FOXO1: variants seen among roughly 807,000 people sequenced by gnomAD.
FOXO1 encodes the protein forkhead box O1.
In FOXO1, 6 loss-of-function variants were observed where a neutral mutation model predicts 44.1. That is an observed-to-expected ratio of 0.14 (90% confidence interval 0.07 to 0.27). The LOEUF is 0.27. Ranked by LOEUF, FOXO1 falls within the 10% of genes least tolerant of loss-of-function variation. FOXO1 has a pLI of 1.00. For missense variants in FOXO1, 737 were observed against 888.8 expected (o/e 0.83, Z 2.17); for synonymous variants, 380 against 362.7 (o/e 1.05, Z -0.54).
chr13:40,570,577 A>G (rs1874452618), intron 1 of FOXO1, among the ~76,000 whole-genome samples: 1 of 152,246 alleles, frequency 6.6e-6, no homozygotes. Context: ...ATAACCTCAT[A>G]CATTTAGGAT....
chr13:40,610,217 C>G (rs1876181155), intron 1 of FOXO1, among the ~76,000 whole-genome samples: 2 of 152,080 alleles, frequency 1.3e-5, no homozygotes, highest in African/African-American at 4.8e-5. Flanking sequence ...CATGAGCATA[C>G]TGTACTGAGG....
At chr13:40,598,474 T>C (rs1566071412) in intron 1 of FOXO1, among the ~76,000 whole-genome samples, 4 of 151,998 alleles carry the variant, frequency 2.6e-5, no homozygotes, top group African/African-American at 9.7e-5. Context: ...AACAAACTAA[T>C]GAAATCAACC....
chr13:40,645,980 T>C (rs71427417), intron 1 of FOXO1, among the ~76,000 whole-genome samples: 460 of 151,886 alleles, frequency 3.0e-3, no homozygotes, highest in Non-Finnish European at 4.7e-3. Flanking sequence ...GGCAGGAGAA[T>C]TGCTTGAACC....
intron 1 of FOXO1, among the ~76,000 whole-genome samples, chr13:40,642,254 T>C (rs745924872): frequency 3.2e-4 from 48 of 152,194 alleles, no homozygotes; most frequent in Non-Finnish European, 5.7e-4. Context: ...TAGATTTTTT[T>C]CACATTCTTA....
At position 40,620,743 on chromosome 13, in the gene FOXO1, T is replaced by C. The variant is rs183201572; in HGVS notation, c.630+44840A>G. Among the ~76,000 whole-genome samples, 131 of 151,248 alleles carry C rather than the reference T, an allele frequency of 8.7e-4. 2 individuals carry two copies. Among genetic ancestry groups the C allele is most frequent in the Admixed American group, 8.6e-3 (131 of 15,198 alleles). On this transcript the variant is annotated intron_variant, in intron 1 of 2. Transcript: ENST00000379561. ...AAACAGTGACAATAGGGGTAGCATG[T>C]AGTTGCAAAATTCAAATGATTTAGT...
Position 40,665,894 on chromosome 13 carries a change from A to G in FOXO1, c.319T>C (p.Cys107Arg), listed in dbSNP as rs1005282881. 214 of 1,162,230 alleles carry G rather than the reference A, an allele frequency of 1.8e-4. No homozygotes were observed. Among genetic ancestry groups the G allele is most frequent in the Non-Finnish European group, 2.0e-4 (194 of 946,456 alleles). 72.0% of individuals were successfully genotyped at this position (1,162,230 alleles called of 1,614,324 possible). A position where few individuals can be genotyped will look rare whatever the true frequency, so the allele number is the denominator to read the frequency against. The change falls in exon 1 of 3, where the codon TGC becomes CGC. Residue 107 changes from cysteine (C) to arginine (R), a missense_variant. By Grantham distance (180) the Cys-to-Arg change is radical. Around this residue, in one of 7 missense-constraint regions of FOXO1, gnomAD observed 213 missense variants for 236.4 expected, o/e 0.90. Coordinates refer to ENST00000379561, the MANE Select transcript of FOXO1 (RefSeq NM_002015.4). ...AAAAAATGGL[C>R]GDFQGPEAGC... ...GCCTCCGGGCCCTGGAAGTCCCCGC[A>G]CAGCCCCCCGGTGGCGGCCGCGGCG... is the stretch of plus-strand genomic sequence containing the variant.
chr13:40,559,448 T>C (rs759124635), intron 2 of FOXO1, 61 bp downstream of exon 2: 2 of 1,447,564 alleles, frequency 1.4e-6, no homozygotes, highest in Non-Finnish European at 1.9e-6. Context: ...GGCAAGTTAC[T>C]GTGTTCCTCG....
chr13:40,628,435 G>A (rs1198332129), intron 1 of FOXO1, among the ~76,000 whole-genome samples: 1 of 151,334 alleles, frequency 6.6e-6, no homozygotes, highest in African/African-American at 2.4e-5. Context: ...CAACTTGTCT[G>A]GACAAACCTT....
intron 1 of FOXO1, among the ~76,000 whole-genome samples, chr13:40,631,297 C>A (rs1365757325): frequency 6.6e-6 from 1 of 152,078 alleles, no homozygotes; most frequent in Non-Finnish European, 1.5e-5. Context: ...ATGGCATATA[C>A]CAAAATCAAC....
At chr13:40,630,851 A>G (rs999943141) in intron 1 of FOXO1, among the ~76,000 whole-genome samples, 1 of 152,172 alleles carries the variant, frequency 6.6e-6, no homozygotes, top group Non-Finnish European at 1.5e-5. Flanking sequence ...GTTGCCTTAA[A>G]GTATAATACC....
At chr13:40,651,202 T>C (rs1156351045) in intron 1 of FOXO1, among the ~76,000 whole-genome samples, 1 of 151,954 alleles carries the variant, frequency 6.6e-6, no homozygotes, top group Non-Finnish European at 1.5e-5. Context: ...GCCTTGCGAA[T>C]AGACAAGACT....
intron 1 of FOXO1, among the ~76,000 whole-genome samples, chr13:40,654,659 CTA>C (rs1185719405): frequency 6.6e-6 from 1 of 152,092 alleles, no homozygotes; most frequent in Non-Finnish European, 1.5e-5. Flanking sequence ...CTGGAAATTT[CTA>C]TATGTGGCTG....
At chr13:40,636,502 TC>T (rs1411734556) in intron 1 of FOXO1, among the ~76,000 whole-genome samples, 3 of 150,890 alleles carry the variant, frequency 2.0e-5, no homozygotes, top group African/African-American at 7.3e-5. Context: ...AGATCCCATT[TC>T]TATTTTTCAA....
chr13:40,664,878 C>A (rs1373813913), intron 1 of FOXO1, among the ~76,000 whole-genome samples: 3 of 151,870 alleles, frequency 2.0e-5, no homozygotes, highest in African/African-American at 7.2e-5. Flanking sequence ...CTTTAGCTCG[C>A]CCCGCGCGGC....
chr13:40,643,585 A>G (rs1019611070), intron 1 of FOXO1, among the ~76,000 whole-genome samples: 8 of 152,162 alleles, frequency 5.3e-5, no homozygotes, highest in East Asian at 3.9e-4. Context: ...CAAAAACAAT[A>G]TAAGTCTGCC....
chr13:40,621,093 C>T (rs1226387190), intron 1 of FOXO1: 4 of 261,868 alleles, frequency 1.5e-5, no homozygotes, highest in African/African-American at 2.3e-5. Context: ...CCACCACGCC[C>T]GCCTGAATAC....
intron 1 of FOXO1, among the ~76,000 whole-genome samples, chr13:40,645,805 G>A (rs1215287029): frequency 1.3e-5 from 2 of 151,842 alleles, no homozygotes; most frequent in East Asian, 1.9e-4. Context: ...GGCACTGGCC[G>A]GGTGCAGTGG....
chr13:40,585,657 C>T (rs1015354506), intron 1 of FOXO1, among the ~76,000 whole-genome samples: 3 of 152,110 alleles, frequency 2.0e-5, no homozygotes, highest in African/African-American at 4.8e-5. Flanking sequence ...AAAGCTTCTG[C>T]GGAAATAATT....
chr13:40,619,778 T>C (rs567189508), intron 1 of FOXO1: 1 of 801,230 alleles, frequency 1.2e-6, no homozygotes, highest in African/African-American at 1.7e-5. Flanking sequence ...TCAGCTGGCA[T>C]TCCCAGAGCT....
Sources: gnomAD v4.1 joint callset for allele counts (sites outside exome capture counted in the v4.1 genomes callset) on GRCh38, gnomAD v4.1.1 for gene constraint, gnomAD v4.1.1 regional missense constraint, MANE v1.5 for transcripts, NCBI Gene and HGNC (gene_info 2026-07-23, HGNC 2026-07-21) for gene names.